Variants in NFKB1 observed in about 807,000 individuals in gnomAD.
NFKB1 encodes nuclear factor NF-kappa-B p105 subunit.
In NFKB1, 9 loss-of-function variants were observed where a neutral mutation model predicts 105.1. The ratio of observed to expected loss-of-function variants is 0.09; its 90% CI spans 0.05 to 0.15. The LOEUF is 0.15. Among genes scored for constraint, NFKB1 ranks in the 10% least tolerant of loss-of-function variants. The pLI, the probability that NFKB1 is intolerant of heterozygous loss-of-function variation, is 1.00. For missense variants in NFKB1, 830 were observed against 1,203.7 expected (o/e 0.69, Z 4.59); for synonymous variants, 440 against 442.2 (o/e 1.00, Z 0.06).
rs1215927684 is a variant in NFKB1, at chr4:102,529,827, T to G, written c.40-9T>G. 3 of 1,568,314 alleles carry G rather than the reference T, an allele frequency of 1.9e-6. No individual in the cohort carries two copies. The Admixed American group carries it at 5.1e-5, about 27-fold the overall frequency. On this transcript the variant is annotated splice_polypyrimidine_tract_variant and intron_variant, in intron 2 of 23. Transcript: ENST00000226574. ...AATGATTGAAACATTTAAATGTTCT[T>G]CTTTACAGATGTTTCATTTGGATCC...
At chr4:102,611,020 G>A (rs1728357074) in intron 20 of NFKB1, among the ~76,000 whole-genome samples, 1 of 152,188 alleles carries the variant, frequency 6.6e-6, no homozygotes, top group Admixed American at 6.5e-5. Flanking sequence ...CTCAATTTCT[G>A]AAGCTAGGAT....
intron 2 of NFKB1, among the ~76,000 whole-genome samples, chr4:102,525,843 A>G (rs1740876182): frequency 6.6e-6 from 1 of 152,164 alleles, no homozygotes; most frequent in South Asian, 2.1e-4. Context: ...CACAAACCTG[A>G]TGGCTTAAAA....
intron 7 of NFKB1, chr4:102,578,020 A>G: frequency 2.0e-6 from 2 of 983,610 alleles, no homozygotes; most frequent in Non-Finnish European, 1.2e-6. Flanking sequence ...CTCAGGCTGC[A>G]TTTCCAATCT....
intron 23 of NFKB1, among the ~76,000 whole-genome samples, chr4:102,615,286 G>C (rs1211152907): frequency 1.3e-5 from 2 of 152,150 alleles, no homozygotes; most frequent in Non-Finnish European, 2.9e-5. Flanking sequence ...ACATTGCTGT[G>C]GAAGCTCTTC....
chr4:102,519,586 G>T (rs940078598), intron 1 of NFKB1, among the ~76,000 whole-genome samples: 2 of 151,992 alleles, frequency 1.3e-5, no homozygotes, highest in Non-Finnish European at 2.9e-5. Context: ...CTCATTTTGT[G>T]TATTGTCAGA....
At chr4:102,603,870 G>A (rs377381697) in intron 16 of NFKB1, among the ~76,000 whole-genome samples, 98 of 152,182 alleles carry the variant, frequency 6.4e-4, no homozygotes, top group African/African-American at 1.9e-3. Flanking sequence ...CAAGTGCACC[G>A]AGTTAGGATT....
chr4:102,530,807 A>G (rs1318315581), intron 3 of NFKB1, among the ~76,000 whole-genome samples: 2 of 152,154 alleles, frequency 1.3e-5, no homozygotes, highest in Non-Finnish European at 2.9e-5. Flanking sequence ...CTGCATTTAT[A>G]TCTTTAGTAT....
At chr4:102,614,244 C>T (rs4648123) in intron 23 of NFKB1, among the ~76,000 whole-genome samples, 2,889 of 152,222 alleles carry the variant, frequency 0.019, 101 homozygotes, top group African/African-American at 0.062. Context: ...GCCTTCCATC[C>T]GGACTTGGTG....
rs746120385 is a variant in NFKB1, at chr4:102,510,986, C to T, written c.-8+9198C>T. On this transcript the variant is annotated intron_variant, in intron 1 of 23. Coordinates refer to ENST00000226574, the MANE Select transcript of NFKB1 (RefSeq NM_003998.4). The stretch of plus-strand genomic sequence containing the variant: ...AGAAAAAGAGTGTTAAAAAGTCAGC[C>T]TTTAAAAAGCAGGATTGGAGATGAG... 8 of 1,276,076 alleles carry T rather than the reference C, an allele frequency of 6.3e-6. No homozygotes were observed. In the South Asian group the frequency reaches 8.8e-5, roughly 14 times the overall value. 79.0% of individuals were successfully genotyped at this position (1,276,076 alleles called of 1,614,324 possible).
chr4:102,601,110 G>C, intron 16 of NFKB1, 101 bp downstream of exon 16: 1 of 721,282 alleles, frequency 1.4e-6, no homozygotes, highest in Non-Finnish European at 2.3e-6. Context: ...GTTAACAGTA[G>C]CAAAAACAAA....
chr4:102,608,568 T>C (rs1220864867), intron 19 of NFKB1, among the ~76,000 whole-genome samples: 1 of 152,176 alleles, frequency 6.6e-6, no homozygotes, highest in African/African-American at 2.4e-5. Context: ...TCTTTGAATC[T>C]CCAGTGCCTT....
At chr4:102,511,742 C>T (rs1739795999) in intron 1 of NFKB1, among the ~76,000 whole-genome samples, 1 of 151,978 alleles carries the variant, frequency 6.6e-6, no homozygotes, top group South Asian at 2.1e-4. Flanking sequence ...TTGAAGAATC[C>T]CATAGCTAAA....
chr4:102,591,013 G>A (rs1470883605), intron 11 of NFKB1, among the ~76,000 whole-genome samples: 1 of 152,170 alleles, frequency 6.6e-6, no homozygotes, highest in Non-Finnish European at 1.5e-5. Context: ...GCTTAGAGAG[G>A]TGAGGAGGCT....
intron 1 of NFKB1, among the ~76,000 whole-genome samples, chr4:102,512,905 A>G (rs1186773308): frequency 6.6e-6 from 1 of 152,212 alleles, no homozygotes; most frequent in Non-Finnish European, 1.5e-5. Flanking sequence ...TTTGAGGATT[A>G]ATAGAATAAA....
At chr4:102,543,694 G>A (rs765700029) in intron 5 of NFKB1, among the ~76,000 whole-genome samples, 4 of 151,558 alleles carry the variant, frequency 2.6e-5, no homozygotes, top group South Asian at 4.2e-4. Flanking sequence ...GAGACTACCC[G>A]ATCTGCTGTG....
chr4:102,552,308 A>G (rs1722679182), intron 5 of NFKB1, among the ~76,000 whole-genome samples: 1 of 152,116 alleles, frequency 6.6e-6, no homozygotes, highest in Non-Finnish European at 1.5e-5. Context: ...TGTGATGGGG[A>G]AAAAAGGATT....
chr4:102,542,353 A>G (rs2149133107), intron 5 of NFKB1, among the ~76,000 whole-genome samples: 1 of 152,300 alleles, frequency 6.6e-6, no homozygotes, highest in South Asian at 2.1e-4. Context: ...TTGCTGTGCA[A>G]GTCTTCATGC....
chr4:102,558,514 T>A (rs1723160841), intron 5 of NFKB1, among the ~76,000 whole-genome samples: 1 of 152,194 alleles, frequency 6.6e-6, no homozygotes, highest in Admixed American at 6.5e-5. Flanking sequence ...TTTTAGTAAT[T>A]GCCTTCCATA....
In NFKB1 at chr4:102,550,291, G is replaced by T. The variant is rs571174184; in HGVS notation, c.258+12335G>T. 1.3e-4 allele frequency among the ~76,000 whole-genome samples: 20 copies of T among 151,764 alleles called. No individual in the cohort carries two copies. The South Asian group carries it at 3.5e-3, about 27-fold the overall frequency. On this transcript the variant is annotated intron_variant, in intron 5 of 23. Coordinates refer to ENST00000226574, the MANE Select transcript of NFKB1 (RefSeq NM_003998.4). ...TTTCTGAAATTGTAAGCTATTCTAG[G>T]TTCACCCTATACCTTCACTACCCCA...
Sources: allele counts gnomAD v4.1 joint callset (sites outside exome capture counted in the v4.1 genomes callset), GRCh38; gene constraint gnomAD v4.1.1; transcripts MANE v1.5; gene names NCBI Gene and HGNC (gene_info 2026-07-23, HGNC 2026-07-21).